PATJ: variants seen among roughly 807,000 people sequenced by gnomAD.
The protein encoded by PATJ is PATJ crumbs cell polarity complex component, also known as inaD-like protein.
Under a neutral mutation model 224.9 loss-of-function variants are expected in PATJ, and 190 were observed. The ratio of observed to expected loss-of-function variants is 0.84; its 90% CI spans 0.75 to 0.95. The LOEUF is 0.95. PATJ is among the 40% of genes least tolerant of loss of function. The pLI, the probability that PATJ is intolerant of heterozygous loss-of-function variation, is 0.00. For missense variants in PATJ, 2,121 were observed against 2,270.3 expected, an observed-to-expected ratio of 0.93 and a Z score of 1.34; for synonymous variants, 769 against 820.3, an observed-to-expected ratio of 0.94 and a Z score of 1.07.
chr1:62,074,448 T>C, intron 31 of PATJ, among the ~76,000 whole-genome samples: 1 of 152,128 alleles, frequency 6.6e-6, no homozygotes, highest in Non-Finnish European at 1.5e-5. Context: ...AATTTTTTTT[T>C]TAAGAGTCAG....
chr1:61,950,200 C>T (rs1033882789), intron 27 of PATJ, among the ~76,000 whole-genome samples: 1 of 152,026 alleles, frequency 6.6e-6, no homozygotes, highest in African/African-American at 2.4e-5. Flanking sequence ...CGAGACTCCA[C>T]CTAAAAAATA....
At chr1:61,803,312 T>C (rs936236215) in intron 12 of PATJ, among the ~76,000 whole-genome samples, 20 of 152,194 alleles carry the variant, frequency 1.3e-4, no homozygotes, top group African/African-American at 4.6e-4. Context: ...ACATTCAATT[T>C]TTTTTTTACT....
intron 22 of PATJ, among the ~76,000 whole-genome samples, chr1:61,895,062 T>G (rs1670168564): frequency 6.6e-6 from 1 of 152,174 alleles, no homozygotes; most frequent in Non-Finnish European, 1.5e-5. Context: ...TTGAGAGAGA[T>G]GATTTAGGGT....
chr1:61,914,740 A>G (rs1673203555), intron 26 of PATJ, 76 bp downstream of exon 26: 4 of 872,790 alleles, frequency 4.6e-6, no homozygotes, highest in East Asian at 2.7e-5. Flanking sequence ...CTGGGCTATA[A>G]TAGAAGTGGC....
intron 4 of PATJ, among the ~76,000 whole-genome samples, chr1:61,768,136 G>C (rs1646392099): frequency 6.6e-6 from 1 of 152,008 alleles, no homozygotes; most frequent in South Asian, 2.1e-4. Context: ...CCGTGTAAAT[G>C]GTGGCCTTTT....
At chr1:61,879,109 T>C (rs1332684427) in intron 21 of PATJ, among the ~76,000 whole-genome samples, 1 of 152,170 alleles carries the variant, frequency 6.6e-6, no homozygotes, top group African/African-American at 2.4e-5. Context: ...AGGAAGACAT[T>C]TGATGCACAA....
intron 1 of PATJ, among the ~76,000 whole-genome samples, chr1:61,753,232 C>T (rs917713060): frequency 1.1e-4 from 17 of 152,116 alleles, no homozygotes; most frequent in African/African-American, 4.1e-4. Context: ...TACACTTGCT[C>T]ATTGATTTTT....
At chr1:61,997,344 A>G (rs1645425115) in intron 28 of PATJ, among the ~76,000 whole-genome samples, 1 of 152,192 alleles carries the variant, frequency 6.6e-6, no homozygotes, top group South Asian at 2.1e-4. Context: ...AAGTCACCAG[A>G]AGACTGTGGT....
chr1:62,039,040 T>C, intron 30 of PATJ: 1 of 1,019,464 alleles, frequency 9.8e-7, no homozygotes, highest in Non-Finnish European at 1.6e-6. Context: ...GTGTCCAGCA[T>C]CAGATAATGG....
intron 26 of PATJ, among the ~76,000 whole-genome samples, chr1:61,926,145 CA>C (rs1462424449): frequency 6.6e-6 from 1 of 152,058 alleles, no homozygotes; most frequent in African/African-American, 2.4e-5. Context: ...TTGAGGATAC[CA>C]GAGTCTGTTT....
At chr1:61,756,640 A>G (rs987786999) in intron 1 of PATJ, among the ~76,000 whole-genome samples, 2 of 132,264 alleles carry the variant, frequency 1.5e-5, no homozygotes, top group African/African-American at 5.8e-5. Context: ...GTGCAGTGGC[A>G]TGATCTCGGC....
rs185673259 is a variant in PATJ, at chr1:62,142,199, A to G, written c.5272-6085A>G. On this transcript the variant is annotated intron_variant, in intron 41 of 43. Coordinates refer to ENST00000642238, the MANE Select transcript of PATJ (RefSeq NM_001350145.3). ...GTCTGTTTCATGGACAGCTGACAAC[A>G]GTACCCGTGTAACTTCCCACAAAGC... Among the ~76,000 whole-genome samples the G allele has an allele frequency of 1.8e-3, 278 of 152,264 alleles. 1 individual carries two copies. The highest frequency in any genetic ancestry group is 3.9e-3 in the Admixed American group (59 of 15,288).
intron 26 of PATJ, 85 bp downstream of exon 26, chr1:61,914,749 G>T (rs1042160873): frequency 1.4e-6 from 1 of 727,146 alleles, no homozygotes; most frequent in Non-Finnish European, 2.3e-6. Context: ...AATAGAAGTG[G>T]CTTTTTGATG....
intron 25 of PATJ, among the ~76,000 whole-genome samples, chr1:61,913,509 A>G (rs1040755045): frequency 2.6e-5 from 4 of 152,020 alleles, no homozygotes; most frequent in Admixed American, 6.6e-5. Flanking sequence ...TACTTGGTCT[A>G]TTTTTTTCTT....
chr1:61,813,799 G>A (rs902748799), intron 14 of PATJ, among the ~76,000 whole-genome samples: 10 of 151,988 alleles, frequency 6.6e-5, no homozygotes, highest in African/African-American at 1.4e-4. Flanking sequence ...AAATGCTTTC[G>A]GAGGTAATAA....
chr1:61,757,371 C>T (rs1007650623), intron 1 of PATJ, among the ~76,000 whole-genome samples: 1 of 151,350 alleles, frequency 6.6e-6, no homozygotes, highest in African/African-American at 2.4e-5. Flanking sequence ...TGCATTGGGC[C>T]CTATTTTTCA....
intron 35 of PATJ, 51 bp downstream of exon 35, chr1:62,114,297 G>GGATGAAA: frequency 6.7e-7 from 1 of 1,482,562 alleles, no homozygotes; most frequent in Non-Finnish European, 9.3e-7. Flanking sequence ...CCAGAGCTCT[G>GGATGAAA]ATGCCTGTGA....
chr1:61,821,131 C>T (rs542682296), intron 14 of PATJ, among the ~76,000 whole-genome samples: 6 of 151,876 alleles, frequency 4.0e-5, no homozygotes, highest in Admixed American at 1.3e-4. Flanking sequence ...AGCTCCACCT[C>T]CCGGGTTTAC....
At chr1:62,091,918 T>C (rs1275479923) in intron 33 of PATJ, among the ~76,000 whole-genome samples, 1 of 151,406 alleles carries the variant, frequency 6.6e-6, no homozygotes, top group African/African-American at 2.4e-5. Context: ...TAGCTGAGCA[T>C]GGTGGCACGT....
Sources: allele counts gnomAD v4.1 joint callset (sites outside exome capture counted in the v4.1 genomes callset), GRCh38; gene constraint gnomAD v4.1.1; transcripts MANE v1.5; gene names NCBI Gene and HGNC (gene_info 2026-07-23, HGNC 2026-07-21).